VGLL4: variants seen among roughly 807,000 people sequenced by gnomAD.
VGLL4 encodes vestigial like family member 4.
A neutral mutation model predicts 21.0 loss-of-function variants in VGLL4; 7 were observed. The ratio of observed to expected loss-of-function variants is 0.33; its 90% CI spans 0.19 to 0.63. The LOEUF (loss-of-function observed/expected upper bound fraction) is 0.63, where lower values mean the gene tolerates loss of function less well. Among genes scored for constraint, VGLL4 ranks in the 20% least tolerant of loss-of-function variants. The probability of loss-of-function intolerance (pLI) is 0.78; values close to 1 mark genes in which losing one functional copy is unlikely to be tolerated. For synonymous variants in VGLL4, 222 were observed against 173.2 expected (o/e 1.28, Z -2.21); for missense variants, 394 against 425.7 (o/e 0.93, Z 0.66).
At chr3:11,679,657 T>C (rs780597196) in intron 2 of VGLL4, among the ~76,000 whole-genome samples, 1 of 152,106 alleles carries the variant, frequency 6.6e-6, no homozygotes, top group Non-Finnish European at 1.5e-5. Context: ...TACTTCAGCC[T>C]GGGCGACAGA....
rs2125089548 is a variant in VGLL4 at position 11,557,415 on chromosome 3, C to T, written c.*1141G>A. ...ATGTAGGGAAGTTGGAAGACACAAA[C>T]CCCACCTCCCCTGGGAGCTTGTAAC... On this transcript the variant is annotated 3_prime_UTR_variant, in exon 5 of 5. Transcript: ENST00000430365. The T allele has an allele frequency of 6.5e-6, 1 of 152,852 alleles. No homozygotes were observed. Among genetic ancestry groups the T allele is most frequent in the African/African-American group, 2.4e-5 (1 of 41,546 alleles). 9.5% of individuals were successfully genotyped at this position (152,852 alleles called of 1,614,324 possible). A position where few individuals can be genotyped will look rare whatever the true frequency, so the allele number is the denominator to read the frequency against.
At position 11,712,967 on chromosome 3, in the gene VGLL4, A is replaced by G. The variant is rs551606805; in HGVS notation, c.-14+7427T>C. Reference sequence around the variant, plus strand: ...GGTAAGAAAAGAAGACTGTCACACCAGGTCAATTGATGCTGAGACTGTGGC... The same window carrying G: ...GGTAAGAAAAGAAGACTGTCACACCGGGTCAATTGATGCTGAGACTGTGGC... On this transcript the variant is annotated intron_variant, in intron 1 of 5. Transcript: ENST00000273038. Among the ~76,000 whole-genome samples the G allele has an allele frequency of 3.9e-5, 6 of 152,346 alleles. 1 individual carries two copies. Among genetic ancestry groups the G allele is most frequent in the African/African-American group, 1.2e-4 (5 of 41,586 alleles).
At chr3:11,692,613 C>T (rs535974461) in intron 2 of VGLL4, among the ~76,000 whole-genome samples, 2 of 152,178 alleles carry the variant, frequency 1.3e-5, no homozygotes, top group East Asian at 1.9e-4. Flanking sequence ...CTGAAGCACT[C>T]GACTGTCCAC....
At chr3:11,603,284 T>G (rs2074851017) in intron 1 of VGLL4, among the ~76,000 whole-genome samples, 1 of 152,176 alleles carries the variant, frequency 6.6e-6, no homozygotes, top group African/African-American at 2.4e-5. Context: ...TGACCCATAA[T>G]ACACCTCCAG....
chr3:11,620,802 T>C (rs535000588), intron 1 of VGLL4, among the ~76,000 whole-genome samples: 9 of 152,304 alleles, frequency 5.9e-5, no homozygotes, highest in Non-Finnish European at 1.3e-4. Flanking sequence ...CGTCCCACCC[T>C]GTGTGCACAT....
At chr3:11,641,118 CAAAAAA>C (rs10547055) in intron 1 of VGLL4, among the ~76,000 whole-genome samples, 1 of 91,810 alleles carries the variant, frequency 1.1e-5, no homozygotes. Flanking sequence ...ACTTCATCAC[CAAAAAA>C]AAAAAAAAAA....
At chr3:11,559,686 G>A (rs991429221) in intron 3 of VGLL4, among the ~76,000 whole-genome samples, 1 of 152,222 alleles carries the variant, frequency 6.6e-6, no homozygotes, top group African/African-American at 2.4e-5. Context: ...GGATCAGTGA[G>A]GGTACAAAGG....
rs1280664692 is a variant in VGLL4 at position 11,674,945 on chromosome 3, T to C, written c.64+28026A>G. Among the ~76,000 whole-genome samples the C allele has an allele frequency of 8.5e-5, 13 of 152,352 alleles. No individual in the cohort carries two copies. The East Asian group carries it at 2.3e-3, about 27-fold the overall frequency. ...TCAGAAAGTGTAGTCTTAAATAGCA[T>C]ATTCTCCCTCGATGATGTGAAGTGA... On this transcript the variant is annotated intron_variant, in intron 2 of 5. Transcript: ENST00000273038.
At chr3:11,562,897 A>G (rs992025800) in intron 3 of VGLL4, among the ~76,000 whole-genome samples, 2 of 152,222 alleles carry the variant, frequency 1.3e-5, no homozygotes, top group Non-Finnish European at 2.9e-5. Context: ...TCCTCCTAGG[A>G]AAGCTGCTCA....
At chr3:11,663,555 T>C (rs1395505298) in intron 2 of VGLL4, among the ~76,000 whole-genome samples, 1 of 152,002 alleles carries the variant, frequency 6.6e-6, no homozygotes, top group Non-Finnish European at 1.5e-5. Context: ...TTGTCTCTAC[T>C]AAAAATACAA....
intron 3 of VGLL4, among the ~76,000 whole-genome samples, chr3:11,561,891 CTTTTTT>C (rs35380668): frequency 1.5e-3 from 129 of 88,608 alleles, no homozygotes; most frequent in African/African-American, 5.4e-3. Context: ...CTGCGCCAAA[CTTTTTT>C]TTTTTTTTTT....
At chr3:11,681,515 C>T (rs1368526231) in intron 2 of VGLL4, among the ~76,000 whole-genome samples, 9 of 152,206 alleles carry the variant, frequency 5.9e-5, no homozygotes, top group African/African-American at 1.9e-4. Flanking sequence ...GACCTTCCAC[C>T]GGGCACCATG....
intron 3 of VGLL4, among the ~76,000 whole-genome samples, chr3:11,560,425 C>A (rs1358931609): frequency 6.6e-6 from 1 of 152,218 alleles, no homozygotes; most frequent in Non-Finnish European, 1.5e-5. Context: ...GAAATCACCC[C>A]ACAGGGACCA....
chr3:11,703,431 G>C (rs1259294074), intron 1 of VGLL4, among the ~76,000 whole-genome samples: 1 of 152,216 alleles, frequency 6.6e-6, no homozygotes. Flanking sequence ...ATCACTACCA[G>C]TGAGGTGGTG....
Position 11,568,518 on chromosome 3 carries a change from C to CT in VGLL4, c.273-3500dup. The CT allele has an allele frequency of 6.6e-7, 1 of 1,525,682 alleles. No individual in the cohort carries two copies. The highest frequency in any genetic ancestry group is 8.9e-7 in the Non-Finnish European group (1 of 1,123,846). 94.5% of individuals were successfully genotyped at this position (1,525,682 alleles called of 1,614,324 possible). On this transcript the variant is annotated intron_variant, in intron 2 of 4. Transcript: ENST00000430365. The surrounding 1 kb of genome is among the most constrained non-coding windows in gnomAD (Gnocchi z 5.9). ...TCCGTGGAACACAGCACAGTGGGCA[C>CT]TATGGGTCAGACAAAGACACTGAAA... is the stretch of plus-strand genomic sequence containing the variant.
At chr3:11,635,846 A>T (rs904720358) in intron 1 of VGLL4, among the ~76,000 whole-genome samples, 1 of 152,246 alleles carries the variant, frequency 6.6e-6, no homozygotes, top group South Asian at 2.1e-4. Context: ...TAGAACTTAA[A>T]GCCTGGCACA....
chr3:11,621,537 C>T (rs1262904968), intron 1 of VGLL4, among the ~76,000 whole-genome samples: 1 of 152,152 alleles, frequency 6.6e-6, no homozygotes, highest in African/African-American at 2.4e-5. Flanking sequence ...AATATTTCAT[C>T]GTATGGAGAA....
chr3:11,702,939 T>G, intron 2 of VGLL4: 1 of 1,592,460 alleles, frequency 6.3e-7, no homozygotes, highest in African/African-American at 1.3e-5. Flanking sequence ...ATTAAAGCAC[T>G]TAAGCTATTT....
At chr3:11,721,164 A>G (rs2076990226), upstream of VGLL4, 1 of 152,222 alleles carries the variant, frequency 6.6e-6, no homozygotes, top group African/African-American at 2.4e-5. Flanking sequence ...AGGGAATGAT[A>G]ACAATGAAAA....
Sources: gnomAD v4.1 joint callset for allele counts (sites outside exome capture counted in the v4.1 genomes callset) on GRCh38, gnomAD v4.1.1 for gene constraint, Gnocchi (gnomAD v3.1) non-coding constraint, MANE v1.5 for transcripts, NCBI Gene and HGNC (gene_info 2026-07-23, HGNC 2026-07-21) for gene names.